Variants in MTHFD2L observed in about 807,000 individuals in gnomAD.
MTHFD2L encodes the protein bifunctional methylenetetrahydrofolate dehydrogenase/cyclohydrolase 2, mitochondrial.
In MTHFD2L, 29 loss-of-function variants were observed where a neutral mutation model predicts 34.9. The observed-to-expected ratio is 0.83, with a 90% CI of 0.62 to 1.13. MTHFD2L has a LOEUF of 1.13. MTHFD2L is among the 50% of genes most tolerant of loss of function. The pLI is 0.00. For synonymous variants in MTHFD2L, 167 were observed against 155.7 expected (o/e 1.07, Z -0.54); for missense variants, 481 against 446.5 (o/e 1.08, Z -0.70).
intron 1 of MTHFD2L, among the ~76,000 whole-genome samples, chr4:74,129,707 A>G (rs1329585637): frequency 6.6e-6 from 1 of 152,178 alleles, no homozygotes; most frequent in Non-Finnish European, 1.5e-5. Context: ...TTCAAAAGCT[A>G]GCAGAAGACA....
intron 3 of MTHFD2L, among the ~76,000 whole-genome samples, chr4:74,189,237 A>G (rs1156556620): frequency 2.0e-5 from 3 of 152,148 alleles, no homozygotes; most frequent in African/African-American, 7.2e-5. Flanking sequence ...CTGCACTTGA[A>G]GTTCATTCAA....
At chr4:74,232,112 G>T (rs192431190) in intron 6 of MTHFD2L, among the ~76,000 whole-genome samples, 1 of 152,262 alleles carries the variant, frequency 6.6e-6, no homozygotes, top group Admixed American at 6.5e-5. Flanking sequence ...ATAACTAAAA[G>T]AATATACTTC....
intron 7 of MTHFD2L, among the ~76,000 whole-genome samples, chr4:74,297,839 G>A (rs553002185): frequency 3.9e-5 from 6 of 152,126 alleles, no homozygotes; most frequent in African/African-American, 7.2e-5. Flanking sequence ...GCTTAAGATC[G>A]CCCTGAAATA....
chr4:74,281,916 T>C (rs1488844248), intron 7 of MTHFD2L, among the ~76,000 whole-genome samples: 3 of 152,114 alleles, frequency 2.0e-5, no homozygotes, highest in Admixed American at 1.3e-4. Flanking sequence ...TAGTCAAATA[T>C]GCTCTATGCT....
At chr4:74,168,260 T>TCAAA (rs1191118740) in intron 1 of MTHFD2L, among the ~76,000 whole-genome samples, 1 of 152,230 alleles carries the variant, frequency 6.6e-6, no homozygotes, top group African/African-American at 2.4e-5. Flanking sequence ...TTACCCTAGT[T>TCAAA]CACTTGTTCT....
Position 74,158,218 on chromosome 4 carries a change from C to T in MTHFD2L, c.80C>T (p.Pro27Leu). Residue 27 changes from proline (P) to leucine (L), a missense_variant, in exon 1 of 8, where the codon CCC becomes CTC. Pro to Leu is a moderately conservative substitution (Grantham distance 98, BLOSUM62 -3). Coordinates refer to ENST00000325278, the MANE Select transcript of MTHFD2L (RefSeq NM_001144978.3). ...CCGGCGTTGGGCAGAAGCACAGCAC[C>T]CTCCGTAAGGGCACCGGGAGAGCCC... is the stretch of plus-strand genomic sequence containing the variant. ...RAPALGRSTA[P>L]SVRAPGEPGS... The T allele has an allele frequency of 6.6e-7, 1 of 1,513,420 alleles. No individual in the cohort carries two copies. Among genetic ancestry groups the T allele is most frequent in the Non-Finnish European group, 8.8e-7 (1 of 1,131,134 alleles). 93.7% of individuals were successfully genotyped at this position (1,513,420 alleles called of 1,614,324 possible). A position where few individuals can be genotyped will look rare whatever the true frequency, so the allele number is the denominator to read the frequency against.
At chr4:74,216,780 G>A (rs1737279968) in intron 5 of MTHFD2L, among the ~76,000 whole-genome samples, 2 of 151,706 alleles carry the variant, frequency 1.3e-5, no homozygotes, top group African/African-American at 4.9e-5. Flanking sequence ...TTAGCAATCT[G>A]TGTAAAATAT....
upstream of MTHFD2L, chr4:74,156,918 T>C (rs1158364990): frequency 6.6e-6 from 1 of 152,230 alleles, no homozygotes; most frequent in Non-Finnish European, 1.5e-5. Flanking sequence ...TCTTTAATTG[T>C]TGAGTTTCAA....
At chr4:74,247,553 G>T (rs1419823013) in intron 6 of MTHFD2L, among the ~76,000 whole-genome samples, 6 of 152,092 alleles carry the variant, frequency 3.9e-5, no homozygotes, top group African/African-American at 1.4e-4. Context: ...TCCCTGTCTT[G>T]TGCCAGTTTT....
chr4:74,293,853 C>G (rs890754947), intron 7 of MTHFD2L, among the ~76,000 whole-genome samples: 1 of 152,126 alleles, frequency 6.6e-6, no homozygotes, highest in Non-Finnish European at 1.5e-5. Flanking sequence ...TGAGAGGCCA[C>G]GCTTAAGTGG....
At chr4:74,137,510 A>G (rs1451494817) in intron 1 of MTHFD2L, among the ~76,000 whole-genome samples, 1 of 152,162 alleles carries the variant, frequency 6.6e-6, no homozygotes, top group Non-Finnish European at 1.5e-5. Flanking sequence ...TCTCATACAC[A>G]GTTGGTGGGA....
At chr4:74,139,434 C>A (rs1723148857) in intron 1 of MTHFD2L, among the ~76,000 whole-genome samples, 1 of 152,144 alleles carries the variant, frequency 6.6e-6, no homozygotes, top group Non-Finnish European at 1.5e-5. Flanking sequence ...GTCTGGCTGT[C>A]CTCAGGGGTA....
chr4:74,267,575 T>C (rs902246416), intron 6 of MTHFD2L: 1 of 285,184 alleles, frequency 3.5e-6, no homozygotes, highest in Non-Finnish European at 5.2e-6. Context: ...TGCACCACCA[T>C]GTCCAGCTTT....
At chr4:74,224,778 T>A (rs1353431011) in intron 5 of MTHFD2L, among the ~76,000 whole-genome samples, 2 of 152,138 alleles carry the variant, frequency 1.3e-5, no homozygotes, top group Non-Finnish European at 2.9e-5. Flanking sequence ...TTGGAATGCC[T>A]TTTTCTTCCT....
At chr4:74,247,683 G>A (rs969442990) in intron 6 of MTHFD2L, among the ~76,000 whole-genome samples, 13 of 152,122 alleles carry the variant, frequency 8.5e-5, no homozygotes, top group Non-Finnish European at 1.5e-4. Context: ...AGAGTTTTTA[G>A]CATGAAGGGA....
intron 1 of MTHFD2L, among the ~76,000 whole-genome samples, chr4:74,167,411 A>G (rs1359167450): frequency 6.6e-6 from 1 of 152,236 alleles, no homozygotes; most frequent in Non-Finnish European, 1.5e-5. Flanking sequence ...GCACCACAAA[A>G]AGAACAAAAT....
intron 2 of MTHFD2L, 65 bp from the exon 3 acceptor site, chr4:74,175,216 G>C: frequency 1.3e-6 from 2 of 1,548,038 alleles, no homozygotes; most frequent in Non-Finnish European, 1.8e-6. Context: ...CACTGTGTCA[G>C]ACACTATTGA....
At chr4:74,244,515 T>C (rs896331965) in intron 6 of MTHFD2L, among the ~76,000 whole-genome samples, 7 of 27,122 alleles carry the variant, frequency 2.6e-4, no homozygotes, top group Admixed American at 2.5e-3. Context: ...GTAATACTTA[T>C]ATGTTTTTTT....
intron 1 of MTHFD2L, among the ~76,000 whole-genome samples, chr4:74,125,690 G>A (rs1437489514): frequency 2.0e-5 from 3 of 151,770 alleles, no homozygotes; most frequent in African/African-American, 2.4e-5. Context: ...AAATGCTAGC[G>A]ATAGTAATTT....
Sources: allele counts gnomAD v4.1 joint callset (sites outside exome capture counted in the v4.1 genomes callset), GRCh38; gene constraint gnomAD v4.1.1; transcripts MANE v1.5; gene names NCBI Gene and HGNC (gene_info 2026-07-23, HGNC 2026-07-21).